The following RANBP17 variants were observed in gnomAD, a reference collection of about 807,000 sequenced individuals.
The protein encoded by RANBP17 is RAN binding protein 17.
RANBP17 carries 158 observed loss-of-function variants against 141.2 expected under a neutral mutation model. That is an observed-to-expected ratio of 1.12 (90% CI 0.98 to 1.28). The LOEUF (loss-of-function observed/expected upper bound fraction) is 1.28, where lower values mean the gene tolerates loss of function less well. RANBP17 is among the 50% of genes most tolerant of loss of function. RANBP17 has a pLI of 0.00. For synonymous variants in RANBP17, 430 were observed against 450.0 expected (o/e 0.96, Z 0.56); for missense variants, 1,438 against 1,290.7 (o/e 1.11, Z -1.75).
intron 11 of RANBP17, among the ~76,000 whole-genome samples, chr5:170,922,780 G>A (rs1014393374): frequency 3.3e-5 from 5 of 152,232 alleles, no homozygotes; most frequent in African/African-American, 1.2e-4. Context: ...CTTCCTGGGT[G>A]AGGCGACGCC....
At chr5:171,294,095 A>G in intron 26 of RANBP17, 114 bp downstream of exon 26, 2 of 797,890 alleles carry the variant, frequency 2.5e-6, no homozygotes, top group South Asian at 2.9e-5. Context: ...TTGAATTTGA[A>G]CTGGGACCTT....
intron 21 of RANBP17, among the ~76,000 whole-genome samples, chr5:171,221,151 C>T (rs72827580): frequency 6.6e-6 from 1 of 152,154 alleles, no homozygotes; most frequent in East Asian, 1.9e-4. Context: ...TTGCCCAACC[C>T]CAGTAGGAAC....
chr5:171,221,335 AT>A, intron 21 of RANBP17, among the ~76,000 whole-genome samples: 1 of 152,310 alleles, frequency 6.6e-6, no homozygotes, highest in East Asian at 1.9e-4. Context: ...TCACTTTAGA[AT>A]TTGTTTTAAA....
intron 14 of RANBP17, among the ~76,000 whole-genome samples, chr5:171,152,980 G>A (rs954163353): frequency 2.0e-5 from 3 of 152,196 alleles, no homozygotes; most frequent in Admixed American, 6.5e-5. Flanking sequence ...ATGATGAAGT[G>A]TAATTCCTGA....
chr5:170,885,677 T>G (rs1769080426), intron 3 of RANBP17, among the ~76,000 whole-genome samples: 1 of 152,218 alleles, frequency 6.6e-6, no homozygotes, highest in Non-Finnish European at 1.5e-5. Flanking sequence ...GCACTGATCC[T>G]GTACCTTGTG....
chr5:171,185,215 A>T (rs964585936), intron 18 of RANBP17, among the ~76,000 whole-genome samples: 1 of 152,202 alleles, frequency 6.6e-6, no homozygotes, highest in African/African-American at 2.4e-5. Context: ...ATTCTAGCAA[A>T]CATCTGAGCT....
At chr5:171,290,367 CAAA>C (rs535661442) in intron 25 of RANBP17, among the ~76,000 whole-genome samples, 1 of 102,604 alleles carries the variant, frequency 9.7e-6, no homozygotes. Flanking sequence ...GACTCCGTCT[CAAA>C]AAAAAAAAAA....
chr5:171,035,641 T>C (rs1049401006), intron 14 of RANBP17, among the ~76,000 whole-genome samples: 1 of 151,032 alleles, frequency 6.6e-6, no homozygotes, highest in Non-Finnish European at 1.5e-5. Context: ...CAGTGGCTTA[T>C]AAGCTGATAG....
At position 170,919,433 on chromosome 5, in the gene RANBP17, C is replaced by T. The variant is rs761897597; in HGVS notation, c.1102-8C>T. The T allele has an allele frequency of 2.0e-5, 30 of 1,533,682 alleles. No individual in the cohort carries two copies. The highest frequency in any genetic ancestry group is 2.6e-5 in the Non-Finnish European group (30 of 1,140,418). On this transcript the variant is annotated splice_region_variant and splice_polypyrimidine_tract_variant and intron_variant, in intron 10 of 27. Coordinates refer to ENST00000523189, the MANE Select transcript of RANBP17 (RefSeq NM_022897.5). Reference sequence around the variant, plus strand: ...ATTTTAAATAACTTCTGCTTTATTTCTTTGTAGCACTGGGAATTTGCTCCT... The same window carrying T: ...ATTTTAAATAACTTCTGCTTTATTTTTTTGTAGCACTGGGAATTTGCTCCT...
At chr5:170,866,680 A>C (rs545255282) in intron 1 of RANBP17, among the ~76,000 whole-genome samples, 21 of 151,836 alleles carry the variant, frequency 1.4e-4, no homozygotes, top group Non-Finnish European at 2.4e-4. Flanking sequence ...ATCTCAACAA[A>C]AAAAAAAAAG....
intron 15 of RANBP17, 50 bp downstream of exon 15, chr5:171,170,253 G>C: frequency 1.1e-6 from 1 of 936,638 alleles, no homozygotes. Flanking sequence ...TGTTTTAAAT[G>C]TAATAGATCT....
At chr5:170,992,623 C>A (rs1173607714) in intron 14 of RANBP17, among the ~76,000 whole-genome samples, 1 of 152,060 alleles carries the variant, frequency 6.6e-6, no homozygotes, top group Non-Finnish European at 1.5e-5. Context: ...TACTACCTTT[C>A]ACCTGCTTAC....
At chr5:171,051,189 GT>G (rs1343389654) in intron 14 of RANBP17, among the ~76,000 whole-genome samples, 1 of 138,268 alleles carries the variant, frequency 7.2e-6, no homozygotes, top group Non-Finnish European at 1.5e-5. Context: ...TCATGAGACT[GT>G]AAGTTTATGT....
chr5:171,112,218 C>T (rs1755285771), intron 14 of RANBP17, among the ~76,000 whole-genome samples: 1 of 151,966 alleles, frequency 6.6e-6, no homozygotes, highest in African/African-American at 2.4e-5. Context: ...CAGTTGTCCT[C>T]AATATAACTT....
chr5:171,162,595 A>G (rs1759430601), intron 14 of RANBP17, among the ~76,000 whole-genome samples: 1 of 152,070 alleles, frequency 6.6e-6, no homozygotes, highest in Non-Finnish European at 1.5e-5. Context: ...TACTCTTTCT[A>G]ATAAATTATT....
intron 14 of RANBP17, among the ~76,000 whole-genome samples, chr5:170,996,817 A>G (rs1291779387): frequency 1.3e-5 from 2 of 152,190 alleles, no homozygotes; most frequent in South Asian, 2.1e-4. Context: ...ATTAGTTTCT[A>G]TAAAATTGAA....
intron 8 of RANBP17, among the ~76,000 whole-genome samples, chr5:170,915,283 C>T (rs1042697496): frequency 6.6e-6 from 1 of 152,108 alleles, no homozygotes; most frequent in Non-Finnish European, 1.5e-5. Context: ...TTGTATGATA[C>T]TTATCTCACT....
chr5:170,919,551 T>G lies in RANBP17; in HGVS notation c.1212T>G (p.Tyr404Ter). The G allele has an allele frequency of 6.2e-7, 1 of 1,612,040 alleles. No individual in the cohort carries two copies. Among genetic ancestry groups the G allele is most frequent in the Non-Finnish European group, 8.5e-7 (1 of 1,179,136 alleles). The change falls in exon 11 of 28, where the codon TAT becomes TAG. Residue 404 changes from tyrosine to a stop codon, truncating the protein, a stop_gained. Transcript: ENST00000523189. LOFTEE classifies it high-confidence loss of function. ...KSTEPHLLDT[Y>*]APEITKAFIT... The stretch of plus-strand genomic sequence containing the variant: ...CTGAACCCCACCTATTAGACACTTA[T>G]GCACCAGAAATCACGAAGGCCTTTA...
intron 25 of RANBP17, among the ~76,000 whole-genome samples, chr5:171,275,183 C>A (rs1463827934): frequency 6.6e-6 from 1 of 152,160 alleles, no homozygotes; most frequent in African/African-American, 2.4e-5. Context: ...TTATTTCAGC[C>A]AGTGACAATA....
Sources: allele counts gnomAD v4.1 joint callset (sites outside exome capture counted in the v4.1 genomes callset), GRCh38; gene constraint gnomAD v4.1.1; transcripts MANE v1.5; gene names NCBI Gene and HGNC (gene_info 2026-07-23, HGNC 2026-07-21).